KPNA2: variants seen among roughly 807,000 people sequenced by gnomAD.
KPNA2 encodes the protein importin subunit alpha-1.
In KPNA2, 20 loss-of-function variants were observed where a neutral mutation model predicts 53.7. The ratio of observed to expected loss-of-function variants is 0.37; its 90% CI spans 0.26 to 0.54. KPNA2 has a LOEUF of 0.54. KPNA2 is among the 20% of genes least tolerant of loss of function. KPNA2 has a pLI of 0.83. For missense variants in KPNA2, 515 were observed against 640.3 expected (o/e 0.80, Z 2.11); for synonymous variants, 238 against 227.5 (o/e 1.05, Z -0.42).
rs1386143224 is a variant in KPNA2, at chr17:68,043,315, T to G, written c.882T>G (p.Val294=). 4 of 1,614,098 alleles carry G rather than the reference T, an allele frequency of 2.5e-6. No homozygotes were observed. Among genetic ancestry groups the G allele is most frequent in the African/African-American group, 1.3e-5 (1 of 74,920 alleles). Residue 294 remains valine (V), a synonymous_variant, in exon 7 of 11, where the codon GTT becomes GTG. Transcript: ENST00000330459. ...TTGGCATGGTGGTGAAAACAGGAGT[T>G]GTGCCCCAACTTGTGAAGCTTCTAG... ...ERIGMVVKTG[V]VPQLVKLLGA...
At chr17:68,040,109 C>T (rs1053323864) in intron 3 of KPNA2, among the ~76,000 whole-genome samples, 31 of 151,796 alleles carry the variant, frequency 2.0e-4, no homozygotes, top group African/African-American at 7.5e-4. Context: ...ATCCTCAGAA[C>T]GTTGCCTATG....
intron 3 of KPNA2, among the ~76,000 whole-genome samples, chr17:68,040,078 C>CA (rs145465053): frequency 0.21 from 30,209 of 143,134 alleles, 3,948 homozygotes; most frequent in East Asian, 0.67. Context: ...AACTCCGTCT[C>CA]AAAAAAAAAA....
In KPNA2 at chr17:68,043,822, A is replaced by T. The variant is rs1265674589; in HGVS notation, c.931-16A>T. The T allele has an allele frequency of 1.2e-4, 139 of 1,185,286 alleles. No individual in the cohort carries two copies. Among genetic ancestry groups the T allele is most frequent in the South Asian group, 2.2e-4 (16 of 71,730 alleles). The allele number at this position is 1,185,286 out of a possible 1,614,324, so 73.4% of individuals were successfully genotyped here. ...GGGAAAAAATAACCAGCATCAACATATTTTTTTTTTTTCAGACTCCTGCCC... is the reference window on the plus strand; with the variant it reads ...GGGAAAAAATAACCAGCATCAACATTTTTTTTTTTTTTCAGACTCCTGCCC... On this transcript the variant is annotated splice_polypyrimidine_tract_variant and intron_variant, in intron 7 of 10. Transcript: ENST00000330459.
At chr17:68,041,607 TC>T (rs2071261057) in intron 4 of KPNA2, among the ~76,000 whole-genome samples, 1 of 151,980 alleles carries the variant, frequency 6.6e-6, no homozygotes, top group African/African-American at 2.4e-5. Flanking sequence ...ACACTTGTCG[TC>T]CCAGCTACTA....
intron 1 of KPNA2, 38 bp downstream of exon 1, chr17:68,035,878 G>C (rs1340963183): frequency 6.6e-6 from 1 of 152,354 alleles, no homozygotes; most frequent in African/African-American, 2.4e-5. Context: ...GAGCGCTAAC[G>C]GCTTGCCCGT....
intron 3 of KPNA2, among the ~76,000 whole-genome samples, chr17:68,038,737 G>C (rs1294093294): frequency 3.3e-5 from 5 of 152,192 alleles, no homozygotes; most frequent in African/African-American, 1.2e-4. Flanking sequence ...CCATACTCCA[G>C]CTGGGCATGG....
chr17:68,044,123 T>G (rs782733120), intron 8 of KPNA2, 52 bp downstream of exon 8: 1 of 1,480,454 alleles, frequency 6.8e-7, no homozygotes, highest in Non-Finnish European at 9.4e-7. Context: ...TATAGAAAGC[T>G]GTGCTTGATA....
intron 4 of KPNA2, 75 bp downstream of exon 4, chr17:68,040,841 G>C: frequency 1.1e-6 from 1 of 876,586 alleles, no homozygotes; most frequent in Non-Finnish European, 1.9e-6. Context: ...GGGTGGGGCA[G>C]GAAGGGACAG....
In KPNA2 at chr17:68,045,946, T is replaced by C. The variant is rs565687044; in HGVS notation, c.1497+25T>C. 3 of 1,453,550 alleles carry C rather than the reference T, an allele frequency of 2.1e-6. No homozygotes were observed. The African/African-American group carries it at 4.3e-5, about 21-fold the overall frequency. The allele number at this position is 1,453,550 out of a possible 1,614,324, so 90.0% of individuals were successfully genotyped here. A position where few individuals can be genotyped will look rare whatever the true frequency, so the allele number is the denominator to read the frequency against. The stretch of plus-strand genomic sequence containing the variant: ...GGTGAGTAATGGATGGTAATATTAA[T>C]AACAACTTGGAAACATAAAGTCAAG... On this transcript the variant is annotated intron_variant, in intron 10 of 10. Coordinates refer to ENST00000330459, the MANE Select transcript of KPNA2 (RefSeq NM_002266.4).
At chr17:68,044,150 A>G in intron 8 of KPNA2, 79 bp downstream of exon 8, 1 of 1,377,994 alleles carries the variant, frequency 7.3e-7, no homozygotes, top group East Asian at 2.3e-5. Flanking sequence ...TTCACGTGCA[A>G]GAATCTTGGG....
chr17:68,045,962 T>TA, intron 10 of KPNA2, 41 bp downstream of exon 10: 2 of 1,350,140 alleles, frequency 1.5e-6, no homozygotes, highest in Non-Finnish European at 2.0e-6. Flanking sequence ...CTTGGAAACA[T>TA]AAAGTCAAGG....
At chr17:68,043,408 G>T in intron 7 of KPNA2, 45 bp downstream of exon 7, 1 of 1,590,742 alleles carries the variant, frequency 6.3e-7, no homozygotes, top group South Asian at 1.1e-5. Context: ...TAAGAAGCAT[G>T]ATCAGGGCTG....
rs1555705353 is a variant in KPNA2 at position 68,045,884 on chromosome 17, C to T, written c.1460C>T (p.Ala487Val). The T allele has an allele frequency of 3.8e-6, 6 of 1,595,014 alleles. No individual in the cohort carries two copies. The highest frequency in any genetic ancestry group is 5.1e-6 in the Non-Finnish European group (6 of 1,170,052). ...CATGAAAATGAGTCTGTGTATAAGG[C>T]TTCGTTAAGCTTAATTGAGAAGTAT... ...QNHENESVYK[A>V]SLSLIEKYFS... is the part of the protein sequence containing the mutation. The change falls in exon 10 of 11, where the codon GCT (alanine) becomes GTT (valine). Residue 487 changes from alanine to valine, a missense_variant. Physicochemically the swap from Ala to Val is moderately conservative, Grantham distance 64. Coordinates refer to ENST00000330459, the MANE Select transcript of KPNA2 (RefSeq NM_002266.4).
chr17:68,036,426 C>T (rs1243162728), intron 1 of KPNA2: 1 of 152,234 alleles, frequency 6.6e-6, no homozygotes, highest in Non-Finnish European at 1.5e-5. Flanking sequence ...TAATGTTGAC[C>T]ATAATGTAAT....
Position 68,043,873 on chromosome 17 carries a change from T to C in KPNA2, c.966T>C (p.Thr322=), listed in dbSNP as rs2071295100. The part of the protein sequence containing the change: ...PALRAIGNIV[T]GTDEQTQVVI... ...TAAGAGCCATAGGGAATATTGTCAC[T>C]GGTACAGATGAACAGACTCAGGTTG... The change falls in exon 8 of 11, where the codon ACT becomes ACC. Residue 322 remains threonine (T), a synonymous_variant. Transcript: ENST00000330459. 2 of 1,613,306 alleles carry C rather than the reference T, an allele frequency of 1.2e-6. No homozygotes were observed. Among genetic ancestry groups the C allele is most frequent in the Non-Finnish European group, 1.7e-6 (2 of 1,179,376 alleles).
chr17:68,044,305 T>A lies in KPNA2; in HGVS notation c.1165-16T>A, dbSNP rs868960839. 1.9e-6 allele frequency: 3 copies of A among 1,598,076 alleles called. No individual in the cohort carries two copies. Among genetic ancestry groups the A allele is most frequent in the Middle Eastern group, 1.7e-4 (1 of 5,970 alleles). ...GCAACTGTTCTGAAATAAAACCATTTCCTTATGTTTAATAGGCAGATTTTA... is the reference window on the plus strand; with the variant it reads ...GCAACTGTTCTGAAATAAAACCATTACCTTATGTTTAATAGGCAGATTTTA... On this transcript the variant is annotated splice_polypyrimidine_tract_variant and intron_variant, in intron 8 of 10. Coordinates refer to ENST00000330459, the MANE Select transcript of KPNA2 (RefSeq NM_002266.4).
In KPNA2 at chr17:68,042,079, C is replaced by G. The variant is rs782325823; in HGVS notation, c.303-6C>G. On this transcript the variant is annotated splice_polypyrimidine_tract_variant and splice_region_variant and intron_variant, in intron 4 of 10. Transcript: ENST00000330459. ...AACTTTTATTTCTCTTTTTGTTCCCCTTTAGGAAACTACTTTCCAGAGAAA... is the reference window on the plus strand; with the variant it reads ...AACTTTTATTTCTCTTTTTGTTCCCGTTTAGGAAACTACTTTCCAGAGAAA... The G allele has an allele frequency of 1.9e-6, 3 of 1,609,096 alleles. No individual in the cohort carries two copies. Among genetic ancestry groups the G allele is most frequent in the South Asian group, 2.2e-5 (2 of 90,824 alleles).
rs2071286850 is a variant in KPNA2, at chr17:68,043,358, A to G, written c.925A>G (p.Ile309Val). 1.2e-6 allele frequency: 2 copies of G among 1,613,840 alleles called. No individual in the cohort carries two copies. Among genetic ancestry groups the G allele is most frequent in the Non-Finnish European group, 1.7e-6 (2 of 1,179,952 alleles). Reference sequence around the variant, plus strand: ...GCTTCTAGGAGCTTCTGAATTGCCAATTGTGGTAAGTTATTTACTTGTAGA... The same window carrying G: ...GCTTCTAGGAGCTTCTGAATTGCCAGTTGTGGTAAGTTATTTACTTGTAGA... ...VKLLGASELP[I>V]VTPALRAIGN... Residue 309 changes from isoleucine to valine, a missense_variant, in exon 7 of 11, where the codon ATT becomes GTT. Transcript: ENST00000330459.
chr17:68,039,320 C>T (rs1306338470), intron 3 of KPNA2, among the ~76,000 whole-genome samples: 3 of 151,644 alleles, frequency 2.0e-5, no homozygotes, highest in South Asian at 2.1e-4. Context: ...GGGGATTCAC[C>T]GTGTTTCCCA....
Sources: gnomAD v4.1 joint callset for allele counts (sites outside exome capture counted in the v4.1 genomes callset) on GRCh38, gnomAD v4.1.1 for gene constraint, MANE v1.5 for transcripts, NCBI Gene and HGNC (gene_info 2026-07-23, HGNC 2026-07-21) for gene names.